Variants in KCNQ3 observed in about 807,000 individuals in gnomAD.
KCNQ3 encodes potassium voltage-gated channel subfamily Q member 3, also known as potassium voltage-gated channel subfamily KQT member 3.
Under a neutral mutation model 92.5 loss-of-function variants are expected in KCNQ3, and 30 were observed. The ratio of observed to expected loss-of-function variants is 0.32; its 90% confidence interval spans 0.24 to 0.44. The LOEUF (loss-of-function observed/expected upper bound fraction) is 0.44, where lower values mean the gene tolerates loss of function less well. Among genes scored for constraint, KCNQ3 ranks in the 20% least tolerant of loss-of-function variants. KCNQ3 has a pLI of 1.00. For missense variants in KCNQ3, 913 were observed against 1,140.3 expected (o/e 0.80, Z 2.87); for synonymous variants, 450 against 468.8 (o/e 0.96, Z 0.52).
intron 1 of KCNQ3, among the ~76,000 whole-genome samples, chr8:132,372,496 C>A (rs1819499850): frequency 6.6e-6 from 1 of 152,090 alleles, no homozygotes; most frequent in African/African-American, 2.4e-5. Context: ...TGGCTCACAC[C>A]TGTAATCCCA....
chr8:132,379,609 C>T (rs1475245925), intron 1 of KCNQ3, among the ~76,000 whole-genome samples: 2 of 152,170 alleles, frequency 1.3e-5, no homozygotes, highest in African/African-American at 4.8e-5. Context: ...TCTAATTATC[C>T]TGATTCCTAA....
intron 1 of KCNQ3, among the ~76,000 whole-genome samples, chr8:132,281,620 C>T (rs1223854828): frequency 6.6e-6 from 1 of 151,954 alleles, no homozygotes; most frequent in Non-Finnish European, 1.5e-5. Context: ...CATCCTAGTA[C>T]AGGTTTCCAC....
chr8:132,473,520 C>T (rs2130868426), intron 1 of KCNQ3, among the ~76,000 whole-genome samples: 1 of 152,202 alleles, frequency 6.6e-6, no homozygotes, highest in East Asian at 1.9e-4. Flanking sequence ...TTCTATATCC[C>T]TAATATCTAG....
chr8:132,297,534 C>T (rs949787994), intron 1 of KCNQ3, among the ~76,000 whole-genome samples: 1 of 152,168 alleles, frequency 6.6e-6, no homozygotes, highest in African/African-American at 2.4e-5. Flanking sequence ...TTCCTAGAGC[C>T]TTTCCCACTA....
In KCNQ3 at chr8:132,480,672, C is replaced by CCCG. The variant is rs1822540377; in HGVS notation, c.-141_-140insCGG. The CCCG allele has an allele frequency of 1.1e-6, 1 of 913,422 alleles. No individual in the cohort carries two copies. The highest frequency in any genetic ancestry group is 1.3e-6 in the Non-Finnish European group (1 of 751,278). The allele number at this position is 913,422 out of a possible 1,614,324, so 56.6% of individuals were successfully genotyped here. ...CCATGATCCGCGCGCCCCTCCCCAC[C>CCCG]CCCCCCCAAAAGCAGGCAAAGGCGG... On this transcript the variant is annotated 5_prime_UTR_variant, in exon 1 of 15. Transcript: ENST00000388996.
intron 1 of KCNQ3, among the ~76,000 whole-genome samples, chr8:132,358,135 A>G (rs1399200074): frequency 6.6e-6 from 1 of 152,246 alleles, no homozygotes; most frequent in East Asian, 1.9e-4. Flanking sequence ...AGGGCCATCC[A>G]TAAAGGAGAT....
intron 1 of KCNQ3, among the ~76,000 whole-genome samples, chr8:132,411,374 G>C (rs1247974823): frequency 6.6e-6 from 1 of 152,146 alleles, no homozygotes; most frequent in African/African-American, 2.4e-5. Context: ...CACCGACATG[G>C]GATTGGGGAC....
At position 132,480,313 on chromosome 8, in the gene KCNQ3, G is replaced by T. The variant is rs776548429; in HGVS notation, c.220C>A (p.Arg74Ser). The T allele has an allele frequency of 3.1e-6, 5 of 1,601,782 alleles. No individual in the cohort carries two copies. The highest frequency in any genetic ancestry group is 4.3e-6 in the Non-Finnish European group (5 of 1,175,042). The change falls in exon 1 of 15, where the codon CGC (arginine) becomes AGC (serine). Residue 74 changes from arginine (R) to serine (S), a missense_variant. Around this residue, in one of 6 missense-constraint regions of KCNQ3, gnomAD observed 183 missense variants for 167.7 expected, o/e 1.09. Coordinates refer to ENST00000388996, the MANE Select transcript of KCNQ3 (RefSeq NM_004519.4). ...DGTLLLEGGGRDEGQRRTPQG... is the reference protein window; with the variant it reads ...DGTLLLEGGGSDEGQRRTPQG... ...GGGGTCCTCCGCTGCCCCTCGTCGCGGCCGCCGCCCTCCAGCAGCAGGGTC... is the reference window on the plus strand; with the variant it reads ...GGGGTCCTCCGCTGCCCCTCGTCGCTGCCGCCGCCCTCCAGCAGCAGGGTC...
At chr8:132,447,214 C>G in intron 1 of KCNQ3, 1 of 1,535,536 alleles carries the variant, frequency 6.5e-7, no homozygotes, top group South Asian at 1.2e-5. Context: ...GTGGCGTGTT[C>G]TGCAGGCTTC....
At chr8:132,290,632 A>T (rs1816811368) in intron 1 of KCNQ3, among the ~76,000 whole-genome samples, 2 of 152,098 alleles carry the variant, frequency 1.3e-5, no homozygotes, top group African/African-American at 4.8e-5. Flanking sequence ...TAGAGACAAG[A>T]GGGCTTGGAG....
rs1241696652 is a variant in KCNQ3, at chr8:132,170,469, C to T, written c.1141-41G>A. Reference sequence around the variant, plus strand: ...GAGGGGCAACAATGAGTGGGCACCACCTGAAACTTTCGCACAGACTCCCAC... The same window carrying T: ...GAGGGGCAACAATGAGTGGGCACCATCTGAAACTTTCGCACAGACTCCCAC... On this transcript the variant is annotated intron_variant, in intron 7 of 14. Transcript: ENST00000388996. The T allele has an allele frequency of 7.4e-6, 10 of 1,356,098 alleles. No individual in the cohort carries two copies. In the East Asian group the frequency reaches 1.4e-4, roughly 19 times the overall value. The allele number at this position is 1,356,098 out of a possible 1,614,324, so 84.0% of individuals were successfully genotyped here.
intron 1 of KCNQ3, among the ~76,000 whole-genome samples, chr8:132,227,844 A>G (rs1396302049): frequency 6.6e-6 from 1 of 152,226 alleles, no homozygotes; most frequent in African/African-American, 2.4e-5. Flanking sequence ...GGGAAGAGGT[A>G]GTCTTTCACA....
intron 1 of KCNQ3, among the ~76,000 whole-genome samples, chr8:132,476,035 G>A (rs946465229): frequency 2.6e-5 from 4 of 152,226 alleles, no homozygotes; most frequent in Non-Finnish European, 4.4e-5. Flanking sequence ...AGGGAGCAAG[G>A]TACAGCTCAG....
At chr8:132,433,707 T>C (rs927258394) in intron 1 of KCNQ3, among the ~76,000 whole-genome samples, 1 of 148,388 alleles carries the variant, frequency 6.7e-6, no homozygotes, top group African/African-American at 2.5e-5. Context: ...CTGGCCAACA[T>C]GGCAAAAACC....
chr8:132,356,908 T>G (rs1466736170), intron 1 of KCNQ3, among the ~76,000 whole-genome samples: 1 of 152,190 alleles, frequency 6.6e-6, no homozygotes, highest in Non-Finnish European at 1.5e-5. Flanking sequence ...CAATATGAGT[T>G]GTGAATTGGA....
intron 1 of KCNQ3, among the ~76,000 whole-genome samples, chr8:132,254,328 G>A (rs1403458942): frequency 6.6e-6 from 1 of 151,962 alleles, no homozygotes; most frequent in Non-Finnish European, 1.5e-5. Flanking sequence ...AAATTACAGG[G>A]GACTTTAAGA....
rs191867649 is a variant in KCNQ3, at chr8:132,148,897, C to T, written c.1263-7566G>A. Among the ~76,000 whole-genome samples the T allele has an allele frequency of 8.8e-3, 1,345 of 152,262 alleles. 13 individuals carry two copies. Among genetic ancestry groups the T allele is most frequent in the Middle Eastern group, 0.01 (3 of 294 alleles). On this transcript the variant is annotated intron_variant, in intron 9 of 14. Transcript: ENST00000388996. ...CTGGCTTTCCTGGTGTTCCAGCTTG[C>T]GGACAGCAGATTGTGAGATTTCTCA...
intron 1 of KCNQ3, among the ~76,000 whole-genome samples, chr8:132,253,834 C>A (rs1439248507): frequency 6.6e-6 from 1 of 152,224 alleles, no homozygotes; most frequent in Non-Finnish European, 1.5e-5. Flanking sequence ...CTATTCCTGG[C>A]CCTGGGGCAG....
chr8:132,201,126 A>G (rs1157068011), intron 1 of KCNQ3, among the ~76,000 whole-genome samples: 1 of 152,128 alleles, frequency 6.6e-6, no homozygotes, highest in Non-Finnish European at 1.5e-5. Flanking sequence ...CCCTAAGATA[A>G]TGGCATTAAC....
Sources: gnomAD v4.1 joint callset for allele counts (sites outside exome capture counted in the v4.1 genomes callset) on GRCh38, gnomAD v4.1.1 for gene constraint, gnomAD v4.1.1 regional missense constraint, MANE v1.5 for transcripts, NCBI Gene and HGNC (gene_info 2026-07-23, HGNC 2026-07-21) for gene names.